The following RIOX2 variants were observed in gnomAD, a reference collection of about 807,000 sequenced individuals.
RIOX2 encodes the protein ribosomal oxygenase 2.
In RIOX2, 43 loss-of-function variants were observed where a neutral mutation model predicts 51.2. The observed-to-expected ratio is 0.84, with a 90% CI of 0.66 to 1.08. RIOX2 has a LOEUF of 1.08. Ranked by LOEUF, RIOX2 falls within the 50% of genes least tolerant of loss-of-function variation. The pLI is 0.00. For synonymous variants in RIOX2, 226 were observed against 218.5 expected (o/e 1.03, Z -0.30); for missense variants, 566 against 561.7 (o/e 1.01, Z -0.08).
At position 97,959,080 on chromosome 3, in the gene RIOX2, C is replaced by CG. The variant is rs759526857; in HGVS notation, c.651dup (p.Gly218ArgfsTer6). Reference sequence around the variant, plus strand: ...AGCATAAACTCATGCACCGGCCTGCCGATCCTTTCCTCGGCCTCCACGCTG... The same window carrying CG: ...AGCATAAACTCATGCACCGGCCTGCCGGATCCTTTCCTCGGCCTCCACGCTG... On this transcript the variant is annotated frameshift_variant, in exon 4 of 10. Coordinates refer to ENST00000394198, the MANE Select transcript of RIOX2 (RefSeq NM_153182.4). LOFTEE classifies it high-confidence loss of function. 2.5e-6 allele frequency: 4 copies of CG among 1,613,490 alleles called. No individual in the cohort carries two copies. The South Asian group carries it at 4.4e-5, about 18-fold the overall frequency.
chr3:97,965,437 A>G (rs1705852337), intron 2 of RIOX2, among the ~76,000 whole-genome samples: 1 of 151,624 alleles, frequency 6.6e-6, no homozygotes, highest in Non-Finnish European at 1.5e-5. Flanking sequence ...ACTTGAACCC[A>G]GGAGGCAGAG....
chr3:97,970,121 A>T (rs969487008), intron 1 of RIOX2, among the ~76,000 whole-genome samples: 2 of 152,220 alleles, frequency 1.3e-5, no homozygotes, highest in African/African-American at 4.8e-5. Flanking sequence ...AGCATAATAT[A>T]TGAATACAGT....
rs747389540 is a variant in RIOX2 at position 97,942,295 on chromosome 3, A to G, written c.*2889T>C. On this transcript the variant is annotated 3_prime_UTR_variant, in exon 10 of 10. Coordinates refer to ENST00000394198, the MANE Select transcript of RIOX2 (RefSeq NM_153182.4). ...CTTAACCCTTTTAGGCCAGTGATACATGTCTTGATGTGATTGGTGGCCGGG... is the reference window on the plus strand; with the variant it reads ...CTTAACCCTTTTAGGCCAGTGATACGTGTCTTGATGTGATTGGTGGCCGGG... 3 of 1,608,110 alleles carry G rather than the reference A, an allele frequency of 1.9e-6. No individual in the cohort carries two copies. The African/African-American group carries it at 4.0e-5, about 22-fold the overall frequency.
chr3:97,942,267 T>C lies in RIOX2; in HGVS notation c.*2917A>G. The C allele has an allele frequency of 6.3e-7, 1 of 1,591,182 alleles. No homozygotes were observed. The highest frequency in any genetic ancestry group is 2.2e-5 in the East Asian group (1 of 44,458). On this transcript the variant is annotated 3_prime_UTR_variant, in exon 10 of 10. Coordinates refer to ENST00000394198, the MANE Select transcript of RIOX2 (RefSeq NM_153182.4). ...CAAACATACTACTGCCAATTAATCATTTCTTAACCCTTTTAGGCCAGTGAT... is the reference window on the plus strand; with the variant it reads ...CAAACATACTACTGCCAATTAATCACTTCTTAACCCTTTTAGGCCAGTGAT...
chr3:97,958,234 G>T (rs189034981), intron 4 of RIOX2, among the ~76,000 whole-genome samples: 1 of 152,172 alleles, frequency 6.6e-6, no homozygotes, highest in Non-Finnish European at 1.5e-5. Context: ...AAAACAATAA[G>T]TATATGCAAA....
At chr3:97,968,941 G>C (rs1157509283) in intron 1 of RIOX2, among the ~76,000 whole-genome samples, 1 of 152,196 alleles carries the variant, frequency 6.6e-6, no homozygotes, top group East Asian at 1.9e-4. Flanking sequence ...CAGTATTTCA[G>C]CTACACTGTA....
At chr3:97,949,737 C>T (rs956692562) in intron 7 of RIOX2, 107 bp downstream of exon 7, 12 of 1,015,572 alleles carry the variant, frequency 1.2e-5, no homozygotes, top group South Asian at 3.1e-5. Flanking sequence ...CACATTAACA[C>T]GAAAGCACTT....
chr3:97,947,243 A>G, intron 8 of RIOX2, 118 bp downstream of exon 8: 1 of 745,942 alleles, frequency 1.3e-6, no homozygotes, highest in Admixed American at 2.2e-5. Context: ...ATGGCATTAA[A>G]CTGAATGCAG....
chr3:97,944,251 C>T lies in RIOX2; in HGVS notation c.*933G>A, dbSNP rs2040299650. The T allele has an allele frequency of 6.6e-6, 1 of 151,774 alleles. No homozygotes were observed. The highest frequency in any genetic ancestry group is 1.5e-5 in the Non-Finnish European group (1 of 67,856). 9.4% of individuals were successfully genotyped at this position (151,774 alleles called of 1,614,324 possible). The stretch of plus-strand genomic sequence containing the variant: ...ATAACAGAAACCTCAGTTTTTCACT[C>T]CCATTGTAAGTAACTTTTATTTAAG... On this transcript the variant is annotated 3_prime_UTR_variant, in exon 10 of 10. Transcript: ENST00000394198.
chr3:97,962,180 A>T (rs1037805216), intron 2 of RIOX2, among the ~76,000 whole-genome samples: 2 of 152,092 alleles, frequency 1.3e-5, no homozygotes, highest in Non-Finnish European at 2.9e-5. Flanking sequence ...CACAGACAGG[A>T]CTTGCCGACA....
chr3:97,959,868 C>T (rs1705611518), intron 3 of RIOX2, among the ~76,000 whole-genome samples: 1 of 152,134 alleles, frequency 6.6e-6, no homozygotes, highest in Admixed American at 6.5e-5. Context: ...TACTTCTAGA[C>T]CACCATTTGC....
At chr3:97,945,944 G>T in intron 8 of RIOX2, 57 bp from the exon 9 acceptor site, 1 of 1,268,084 alleles carries the variant, frequency 7.9e-7, no homozygotes, top group Non-Finnish European at 1.1e-6. Flanking sequence ...GAAGGTGTCA[G>T]TACTAGGAAG....
chr3:97,946,605 T>TATATATATATAC (rs1324247464), intron 8 of RIOX2, among the ~76,000 whole-genome samples: 32 of 69,508 alleles, frequency 4.6e-4, no homozygotes, highest in Admixed American at 1.2e-3. Context: ...TATATATATA[T>TATATATATATAC]ATCTATTCAT....
intron 2 of RIOX2, among the ~76,000 whole-genome samples, chr3:97,962,620 G>T (rs1705728691): frequency 6.6e-6 from 1 of 152,180 alleles, no homozygotes. Context: ...CCAGGAGAGA[G>T]AAGGAAGTCT....
At chr3:97,966,842 T>TA (rs1344065797) in intron 2 of RIOX2, among the ~76,000 whole-genome samples, 1 of 152,230 alleles carries the variant, frequency 6.6e-6, no homozygotes, top group East Asian at 1.9e-4. Flanking sequence ...TAGAAAAACA[T>TA]AAACTGGCTC....
Position 97,959,129 on chromosome 3 carries a change from G to T in RIOX2, c.603C>A (p.Pro201=). The T allele has an allele frequency of 2.5e-6, 4 of 1,613,986 alleles. No homozygotes were observed. The highest frequency in any genetic ancestry group is 1.1e-5 in the South Asian group (1 of 91,042). Residue 201 remains proline (P), a synonymous_variant, in exon 4 of 10, where the codon CCC becomes CCA. Coordinates refer to ENST00000394198, the MANE Select transcript of RIOX2 (RefSeq NM_153182.4). Reference sequence around the variant, plus strand: ...TGTACTCTCGTGCCAGGGGCACAGTGGGGTGGTAGAGGCGCCAGTGTTTCT... The same window carrying T: ...TGTACTCTCGTGCCAGGGGCACAGTTGGGTGGTAGAGGCGCCAGTGTTTCT... ...EGEKHWRLYH[P]TVPLAREYSV...
chr3:97,949,569 C>G (rs1181648661), intron 7 of RIOX2, among the ~76,000 whole-genome samples: 1 of 152,086 alleles, frequency 6.6e-6, no homozygotes, highest in Non-Finnish European at 1.5e-5. Flanking sequence ...TACCAGAGTA[C>G]CTATAAATAT....
At chr3:97,946,604 A>ATATATATC (rs1553712244) in intron 8 of RIOX2, among the ~76,000 whole-genome samples, 1,849 of 139,588 alleles carry the variant, frequency 0.013, 20 homozygotes, top group Non-Finnish European at 0.022. Context: ...ATATATATAT[A>ATATATATC]TATCTATTCA....
intron 7 of RIOX2, among the ~76,000 whole-genome samples, chr3:97,949,167 TGTG>T (rs1705135131): frequency 6.6e-6 from 1 of 152,082 alleles, no homozygotes; most frequent in Non-Finnish European, 1.5e-5. Context: ...TGGGTCACAT[TGTG>T]GGGAGCAGAT....
Sources: allele counts gnomAD v4.1 joint callset (sites outside exome capture counted in the v4.1 genomes callset), GRCh38; gene constraint gnomAD v4.1.1; transcripts MANE v1.5; gene names NCBI Gene and HGNC (gene_info 2026-07-23, HGNC 2026-07-21).